The following SLC4A4 variants were observed in gnomAD, a reference collection of about 807,000 sequenced individuals.
SLC4A4 encodes the protein solute carrier family 4 member 4, also known as electrogenic sodium bicarbonate cotransporter 1.
Under a neutral mutation model 111.5 loss-of-function variants are expected in SLC4A4, and 27 were observed. The ratio of observed to expected loss-of-function variants is 0.24; its 90% CI spans 0.18 to 0.33. The LOEUF is 0.33. Ranked by LOEUF, SLC4A4 falls within the 10% of genes least tolerant of loss-of-function variation. The pLI is 1.00. For synonymous variants in SLC4A4, 443 were observed against 463.4 expected, an observed-to-expected ratio of 0.96 and a Z score of 0.57; for missense variants, 909 against 1,315.5, an observed-to-expected ratio of 0.69 and a Z score of 4.78.
chr4:71,210,591 A>G (rs751080952), intron 1 of SLC4A4, among the ~76,000 whole-genome samples: 17 of 152,312 alleles, frequency 1.1e-4, no homozygotes, highest in Middle Eastern at 3.4e-3. Context: ...CTGTCCTTCC[A>G]TTCCCCACAC....
At chr4:71,318,372 C>A (rs1164821798) in intron 3 of SLC4A4, among the ~76,000 whole-genome samples, 1 of 152,006 alleles carries the variant, frequency 6.6e-6, no homozygotes, top group African/African-American at 2.4e-5. Flanking sequence ...TCATTCACGG[C>A]AGGACATACC....
chr4:71,389,799 G>A (rs1001243206), intron 6 of SLC4A4, among the ~76,000 whole-genome samples: 1 of 152,140 alleles, frequency 6.6e-6, no homozygotes, highest in Non-Finnish European at 1.5e-5. Flanking sequence ...CTAATGCCAA[G>A]GTCTGAGGCT....
intron 2 of SLC4A4, among the ~76,000 whole-genome samples, chr4:71,160,904 C>T (rs1201762913): frequency 6.6e-6 from 1 of 152,140 alleles, no homozygotes; most frequent in African/African-American, 2.4e-5. Flanking sequence ...TCGATAAGTT[C>T]TGAAGGAAGA....
rs564156816 is a variant in SLC4A4, at chr4:71,164,371, C to T, written c.-2+71579C>T. Reference sequence around the variant, plus strand: ...CTCCAGCCTGGGGAACAGAGGGAGACTCTGTCTCCAAAAAAAAAAAAAAAA... The same window carrying T: ...CTCCAGCCTGGGGAACAGAGGGAGATTCTGTCTCCAAAAAAAAAAAAAAAA... On this transcript the variant is annotated intron_variant, in intron 2 of 26. Coordinates refer to the SLC4A4 transcript ENST00000649996. 3.3e-3 allele frequency among the ~76,000 whole-genome samples: 474 copies of T among 145,642 alleles called. 1 individual carries two copies. Among genetic ancestry groups the T allele is most frequent in the Non-Finnish European group, 5.1e-3 (344 of 66,860 alleles).
At chr4:71,375,720 C>T (rs1389719615) in intron 6 of SLC4A4, among the ~76,000 whole-genome samples, 1 of 152,092 alleles carries the variant, frequency 6.6e-6, no homozygotes, top group Non-Finnish European at 1.5e-5. Flanking sequence ...GATTGACAAA[C>T]TGTGGCCTAT....
chr4:71,182,736 A>G (rs1366367254), upstream of SLC4A4, among the ~76,000 whole-genome samples: 1 of 150,844 alleles, frequency 6.6e-6, no homozygotes. Context: ...ACACACACAC[A>G]CACACACTCT....
chr4:71,127,657 T>C (rs1743594537), intron 2 of SLC4A4, among the ~76,000 whole-genome samples: 1 of 152,206 alleles, frequency 6.6e-6, no homozygotes, highest in Non-Finnish European at 1.5e-5. Flanking sequence ...ATATTTAAAA[T>C]AATTTTTATT....
chr4:71,312,129 G>T (rs1014237659), intron 3 of SLC4A4, among the ~76,000 whole-genome samples: 3 of 152,178 alleles, frequency 2.0e-5, no homozygotes, highest in Non-Finnish European at 4.4e-5. Context: ...TACCATCAGA[G>T]AATACTATAA....
chr4:71,558,425 A>G (rs1360670348), intron 22 of SLC4A4, among the ~76,000 whole-genome samples: 2 of 151,930 alleles, frequency 1.3e-5, no homozygotes, highest in African/African-American at 4.8e-5. Flanking sequence ...TTTAAAGATA[A>G]GGTGGGACTC....
intron 1 of SLC4A4, among the ~76,000 whole-genome samples, chr4:71,201,066 G>T (rs576048734): frequency 6.6e-6 from 1 of 152,266 alleles, no homozygotes; most frequent in Admixed American, 6.5e-5. Context: ...CTTGAATCCT[G>T]TCTCTACCAT....
chr4:71,482,778 A>T (rs936377326), intron 14 of SLC4A4, among the ~76,000 whole-genome samples: 11 of 151,554 alleles, frequency 7.3e-5, no homozygotes, highest in Non-Finnish European at 8.9e-5. Flanking sequence ...ATCATCTAAC[A>T]TTGGCAAGTA....
At chr4:71,123,781 A>G (rs557338911) in intron 2 of SLC4A4, among the ~76,000 whole-genome samples, 1 of 152,272 alleles carries the variant, frequency 6.6e-6, no homozygotes, top group East Asian at 1.9e-4. Context: ...TTTTGCGCCA[A>G]ATCATTCTAT....
chr4:71,094,366 G>A (rs1742481317), intron 2 of SLC4A4, among the ~76,000 whole-genome samples: 1 of 152,188 alleles, frequency 6.6e-6, no homozygotes, highest in Non-Finnish European at 1.5e-5. Flanking sequence ...GAGTAGAGTG[G>A]CATGTACAGA....
At chr4:71,445,704 A>T (rs1725163077) in intron 8 of SLC4A4, among the ~76,000 whole-genome samples, 1 of 152,186 alleles carries the variant, frequency 6.6e-6, no homozygotes, top group African/African-American at 2.4e-5. Context: ...GAAATTGAGA[A>T]ATGTGACCAG....
At chr4:71,141,315 TA>T (rs1743989598) in intron 2 of SLC4A4, among the ~76,000 whole-genome samples, 1 of 152,196 alleles carries the variant, frequency 6.6e-6, no homozygotes, top group Non-Finnish European at 1.5e-5. Context: ...CCTGCTTGCT[TA>T]AAACCCTTAC....
chr4:71,160,680 TAA>T (rs11331906), intron 2 of SLC4A4, among the ~76,000 whole-genome samples: 2 of 150,184 alleles, frequency 1.3e-5, no homozygotes, highest in African/African-American at 4.9e-5. Context: ...AAGGAATGAT[TAA>T]AAAAAAAGCA....
chr4:71,541,660 G>A (rs139820657), intron 18 of SLC4A4, among the ~76,000 whole-genome samples: 5 of 151,924 alleles, frequency 3.3e-5, no homozygotes, highest in Non-Finnish European at 5.9e-5. Context: ...GGCTTGATGG[G>A]GTCAGAACTG....
chr4:71,065,804 T>C (rs145741032), intron 1 of SLC4A4, among the ~76,000 whole-genome samples: 4,243 of 152,222 alleles, frequency 0.028, 238 homozygotes, highest in Admixed American at 0.14. Flanking sequence ...ATGAAGTGTC[T>C]CTCCTCTGGG....
At chr4:71,119,175 G>A (rs1420341037) in intron 2 of SLC4A4, among the ~76,000 whole-genome samples, 2 of 152,104 alleles carry the variant, frequency 1.3e-5, no homozygotes, top group South Asian at 2.1e-4. Context: ...GGAGTATATC[G>A]GAGCCCCCTG....
Sources: gnomAD v4.1 joint callset for allele counts (sites outside exome capture counted in the v4.1 genomes callset) on GRCh38, gnomAD v4.1.1 for gene constraint, MANE v1.5 for transcripts, NCBI Gene and HGNC (gene_info 2026-07-23, HGNC 2026-07-21) for gene names.